Variants in PDE3A observed in about 807,000 individuals in gnomAD.
PDE3A encodes phosphodiesterase 3A.
In PDE3A, 43 loss-of-function variants were observed where a neutral mutation model predicts 98.3. The ratio of observed to expected loss-of-function variants is 0.44; its 90% CI spans 0.34 to 0.56. The LOEUF (loss-of-function observed/expected upper bound fraction) is 0.56, where lower values mean the gene tolerates loss of function less well. PDE3A is among the 20% of genes least tolerant of loss of function. The pLI, the probability that PDE3A is intolerant of heterozygous loss-of-function variation, is 0.01. For missense variants in PDE3A, 1,427 were observed against 1,440.7 expected (o/e 0.99, Z 0.15); for synonymous variants, 663 against 567.9 (o/e 1.17, Z -2.38).
intron 1 of PDE3A, among the ~76,000 whole-genome samples, chr12:20,514,578 T>A (rs557398725): frequency 7.2e-5 from 11 of 152,204 alleles, no homozygotes; most frequent in Non-Finnish European, 1.3e-4. Flanking sequence ...TATGTGACCT[T>A]GAGAAAGTCA....
At chr12:20,666,711 G>A (rs1375722809) in intron 15 of PDE3A, among the ~76,000 whole-genome samples, 1 of 152,054 alleles carries the variant, frequency 6.6e-6, no homozygotes, top group Non-Finnish European at 1.5e-5. Flanking sequence ...CCATATCTTT[G>A]CTATTGTGAA....
intron 1 of PDE3A, among the ~76,000 whole-genome samples, chr12:20,486,956 ATGTT>A (rs1945737253): frequency 6.6e-6 from 1 of 152,296 alleles, no homozygotes; most frequent in African/African-American, 2.4e-5. Context: ...TTAAAATCAC[ATGTT>A]TGTTTGAGAG....
At chr12:20,391,297 G>A (rs1037062856) in intron 1 of PDE3A, among the ~76,000 whole-genome samples, 1 of 149,312 alleles carries the variant, frequency 6.7e-6, no homozygotes, top group Non-Finnish European at 1.5e-5. Context: ...TATAAATTAG[G>A]CTATATTCAA....
chr12:20,644,328 T>A (rs1266077601), intron 10 of PDE3A, among the ~76,000 whole-genome samples: 1 of 152,252 alleles, frequency 6.6e-6, no homozygotes, highest in Non-Finnish European at 1.5e-5. Flanking sequence ...ACATGAATAA[T>A]GTTTACACAA....
intron 2 of PDE3A, among the ~76,000 whole-genome samples, chr12:20,607,205 A>G (rs1943730665): frequency 1.3e-5 from 2 of 152,066 alleles, no homozygotes. Flanking sequence ...TTGGGAGGCC[A>G]AGGTGGGAGG....
chr12:20,542,645 C>T (rs1941948458), intron 1 of PDE3A, among the ~76,000 whole-genome samples: 2 of 151,874 alleles, frequency 1.3e-5, no homozygotes, highest in African/African-American at 2.4e-5. Context: ...AAATAAAAAC[C>T]GTTAAACCTA....
rs907383325 is a variant in PDE3A at position 20,386,402 on chromosome 12, T to C, written c.960+16158T>C. On this transcript the variant is annotated intron_variant, in intron 1 of 15. Transcript: ENST00000359062. ...ATGATCGGTGATGTTGAGCTTTTTTTCATGTTTGTTGGCCACATAAATGTC... is the reference window on the plus strand; with the variant it reads ...ATGATCGGTGATGTTGAGCTTTTTTCCATGTTTGTTGGCCACATAAATGTC... Among the ~76,000 whole-genome samples the C allele has an allele frequency of 3.3e-5, 5 of 150,678 alleles. No homozygotes were observed. In the Admixed American group the frequency reaches 3.3e-4, roughly 10 times the overall value.
chr12:20,476,807 A>G (rs1023842792), intron 1 of PDE3A, among the ~76,000 whole-genome samples: 2 of 152,250 alleles, frequency 1.3e-5, no homozygotes, highest in Non-Finnish European at 2.9e-5. Context: ...CCCTTGGCAA[A>G]TTCCATCAAA....
intron 4 of PDE3A, among the ~76,000 whole-genome samples, chr12:20,618,659 A>T (rs1944065120): frequency 6.6e-6 from 1 of 152,102 alleles, no homozygotes; most frequent in Admixed American, 6.5e-5. Flanking sequence ...AGGAGTCATT[A>T]GGAAAAAGGG....
At chr12:20,427,471 A>G (rs963951314) in intron 1 of PDE3A, among the ~76,000 whole-genome samples, 1 of 152,196 alleles carries the variant, frequency 6.6e-6, no homozygotes, top group Non-Finnish European at 1.5e-5. Context: ...TCATTCTTGT[A>G]TCTTGAAATA....
At chr12:20,549,185 TTATC>T (rs1481062933) in intron 1 of PDE3A, among the ~76,000 whole-genome samples, 1 of 151,978 alleles carries the variant, frequency 6.6e-6, no homozygotes, top group Non-Finnish European at 1.5e-5. Flanking sequence ...CTTTCATCCT[TTATC>T]TGAGAACTAT....
intron 1 of PDE3A, among the ~76,000 whole-genome samples, chr12:20,482,358 A>T (rs932502387): frequency 1.3e-5 from 2 of 152,076 alleles, no homozygotes; most frequent in East Asian, 1.9e-4. Context: ...CCTCATTTCT[A>T]TAAGTGTGCT....
At chr12:20,590,211 G>A (rs751391003) in intron 2 of PDE3A, among the ~76,000 whole-genome samples, 1 of 151,976 alleles carries the variant, frequency 6.6e-6, no homozygotes. Flanking sequence ...GCTGCTGAGT[G>A]TATTCATTTC....
intron 2 of PDE3A, among the ~76,000 whole-genome samples, chr12:20,600,718 G>A (rs533146487): frequency 1.3e-5 from 2 of 152,234 alleles, no homozygotes; most frequent in South Asian, 2.1e-4. Context: ...TTTCTGGACA[G>A]TGCTTATTCC....
At chr12:20,479,977 A>G (rs1945595040) in intron 1 of PDE3A, among the ~76,000 whole-genome samples, 2 of 152,224 alleles carry the variant, frequency 1.3e-5, no homozygotes, top group Admixed American at 6.5e-5. Context: ...AGATTTAACC[A>G]TCTTTTTCTG....
intron 4 of PDE3A, among the ~76,000 whole-genome samples, chr12:20,620,825 A>T (rs71436823): frequency 1.3e-5 from 2 of 151,556 alleles, no homozygotes; most frequent in Admixed American, 1.3e-4. Flanking sequence ...GCAAAAAAAA[A>T]ACACCATTAT....
chr12:20,673,156 T>A (rs530685679), intron 15 of PDE3A, among the ~76,000 whole-genome samples: 1 of 152,190 alleles, frequency 6.6e-6, no homozygotes, highest in Admixed American at 6.5e-5. Flanking sequence ...TGAGACACCA[T>A]CTCACACCAT....
chr12:20,628,527 A>G lies in PDE3A; in HGVS notation c.1541-1381A>G, dbSNP rs140207152. 1.6e-4 allele frequency among the ~76,000 whole-genome samples: 25 copies of G among 152,228 alleles called. No homozygotes were observed. The East Asian group carries it at 3.9e-3, about 24-fold the overall frequency. ...TACTAAGAGTAGCTGGGTTTACTCT[A>G]TATTCTCCCATGTACTAGTACTGTG... On this transcript the variant is annotated intron_variant, in intron 5 of 15. Coordinates refer to ENST00000359062, the MANE Select transcript of PDE3A (RefSeq NM_000921.5).
intron 13 of PDE3A, 88 bp downstream of exon 13, chr12:20,648,979 G>A: frequency 2.5e-6 from 2 of 803,046 alleles, no homozygotes; most frequent in South Asian, 3.6e-5. Flanking sequence ...AGACTGGAGT[G>A]CAGTGGCACG....
Sources: allele counts gnomAD v4.1 joint callset (sites outside exome capture counted in the v4.1 genomes callset), GRCh38; gene constraint gnomAD v4.1.1; transcripts MANE v1.5; gene names NCBI Gene and HGNC (gene_info 2026-07-23, HGNC 2026-07-21).